Variants in ADAMTSL3 observed in about 807,000 individuals in gnomAD.
The protein encoded by ADAMTSL3 is ADAMTS like 3.
ADAMTSL3 carries 128 observed loss-of-function variants against 201.7 expected under a neutral mutation model. The observed-to-expected ratio is 0.63, with a 90% CI of 0.55 to 0.73. The LOEUF is 0.73. Among genes scored for constraint, ADAMTSL3 ranks in the 30% least tolerant of loss-of-function variants. The pLI, the probability that ADAMTSL3 is intolerant of heterozygous loss-of-function variation, is 0.00. For synonymous variants in ADAMTSL3, 738 were observed against 748.4 expected, an observed-to-expected ratio of 0.99 and a Z score of 0.23; for missense variants, 1,990 against 2,119.6, an observed-to-expected ratio of 0.94 and a Z score of 1.20.
At chr15:83,906,615 CCACACACCACA>C (rs1279205132) in intron 15 of ADAMTSL3, among the ~76,000 whole-genome samples, 2,591 of 142,432 alleles carry the variant, frequency 0.018, 74 homozygotes, top group South Asian at 0.052. Context: ...TTATATAGTG[CCACACACCACA>C]CACACACACA....
intron 3 of ADAMTSL3, among the ~76,000 whole-genome samples, chr15:83,765,257 T>C (rs913859658): frequency 2.0e-5 from 3 of 152,226 alleles, no homozygotes; most frequent in Non-Finnish European, 2.9e-5. Flanking sequence ...TTTCTTTTGT[T>C]AAAGACCTTA....
intron 23 of ADAMTSL3, among the ~76,000 whole-genome samples, chr15:84,004,415 AT>A (rs1191040318): frequency 6.6e-6 from 1 of 152,154 alleles, no homozygotes; most frequent in Admixed American, 6.5e-5. Context: ...GTCCCTGGAA[AT>A]TATCTCAAAT....
chr15:84,037,042 T>A (rs768390928), intron 29 of ADAMTSL3, 55 bp downstream of exon 29: 1 of 1,532,010 alleles, frequency 6.5e-7, no homozygotes, highest in East Asian at 2.3e-5. Context: ...TGGCATCAGA[T>A]CCTGATGCTA....
intron 21 of ADAMTSL3, among the ~76,000 whole-genome samples, chr15:83,987,153 T>G (rs376685025): frequency 9.2e-5 from 14 of 152,258 alleles, no homozygotes; most frequent in African/African-American, 3.1e-4. Context: ...GTTAGACTTT[T>G]GCTTTTAACC....
intron 21 of ADAMTSL3, among the ~76,000 whole-genome samples, chr15:83,987,267 T>A (rs748214773): frequency 6.6e-6 from 1 of 152,238 alleles, no homozygotes; most frequent in Non-Finnish European, 1.5e-5. Context: ...TGTTTTGACT[T>A]CTGCCAGCTT....
At chr15:83,692,906 A>G (rs1413189701) in intron 2 of ADAMTSL3, among the ~76,000 whole-genome samples, 1 of 152,064 alleles carries the variant, frequency 6.6e-6, no homozygotes, top group Non-Finnish European at 1.5e-5. Flanking sequence ...AGCCTGCATG[A>G]TTTCAGCCAC....
chr15:83,773,575 G>T lies in ADAMTSL3; in HGVS notation c.242G>T (p.Trp81Leu). The change falls in exon 4 of 30, where the codon TGG becomes TTG. Residue 81 changes from tryptophan (W) to leucine (L), a missense_variant. Trp to Leu is a moderately conservative substitution (Grantham distance 61). Coordinates refer to ENST00000286744, the MANE Select transcript of ADAMTSL3 (RefSeq NM_207517.3). Reference sequence around the variant, plus strand: ...GACAAAGATGGCAACTGGGATGCTTGGGGCGACTGGAGTGACTGCTCCCGG... The same window carrying T: ...GACAAAGATGGCAACTGGGATGCTTTGGGCGACTGGAGTGACTGCTCCCGG... ...DEDKDGNWDA[W>L]GDWSDCSRTC... is the part of the protein sequence containing the mutation. The T allele has an allele frequency of 6.2e-7, 1 of 1,613,842 alleles. No homozygotes were observed. Among genetic ancestry groups the T allele is most frequent in the South Asian group, 1.1e-5 (1 of 91,068 alleles).
chr15:83,677,249 C>T (rs561210192), intron 2 of ADAMTSL3, among the ~76,000 whole-genome samples: 1 of 151,976 alleles, frequency 6.6e-6, no homozygotes, highest in Non-Finnish European at 1.5e-5. Flanking sequence ...GTGTATTCTG[C>T]TGTTGTTGGG....
chr15:83,690,639 A>G (rs1315623210), intron 2 of ADAMTSL3, among the ~76,000 whole-genome samples: 1 of 152,116 alleles, frequency 6.6e-6, no homozygotes, highest in East Asian at 1.9e-4. Flanking sequence ...CTTGTCACAT[A>G]GCTTCAGAAT....
rs1388364818 is a variant in ADAMTSL3, at chr15:83,714,698, T to TTCCTTCCC, written c.189+10201_189+10208dup. Among the ~76,000 whole-genome samples, 6 of 131,120 alleles carry TTCCTTCCC rather than the reference T, an allele frequency of 4.6e-5. No individual in the cohort carries two copies. The East Asian group carries it at 1.5e-3, about 33-fold the overall frequency. 86.0% of individuals were successfully genotyped at this position (131,120 alleles called of 152,430 possible). A position where few individuals can be genotyped will look rare whatever the true frequency, so the allele number is the denominator to read the frequency against. ...CTCCCTCCCTCCCTTCCTCCCTTCCTTCCTTCCCTCCTTCCCTCTTTCTTT... is the reference window on the plus strand; with the variant it reads ...CTCCCTCCCTCCCTTCCTCCCTTCCTTCCTTCCCTCCTTCCCTCCTTCCCTCTTTCTTT... On this transcript the variant is annotated intron_variant, in intron 3 of 29. Transcript: ENST00000286744.
chr15:83,819,985 G>T lies in ADAMTSL3; in HGVS notation c.538G>T (p.Val180Leu), dbSNP rs368770955. The T allele has an allele frequency of 1.9e-6, 3 of 1,614,020 alleles. No homozygotes were observed. The highest frequency in any genetic ancestry group is 2.7e-5 in the African/African-American group (2 of 74,882). The change falls in exon 6 of 30, where the codon GTA becomes TTA. Residue 180 changes from valine to leucine, a missense_variant. Transcript: ENST00000286744. ...QNLVVELAPK[V>L]LDGTRCNTDS... ...CTTGGTGGTGGAGCTGGCACCTAAG[G>T]TACTGGATGGAACTCGTTGCAACAC...
At chr15:84,010,251 G>T (rs956472430) in intron 23 of ADAMTSL3, among the ~76,000 whole-genome samples, 3 of 152,176 alleles carry the variant, frequency 2.0e-5, no homozygotes, top group African/African-American at 7.2e-5. Context: ...TTGCACTTTT[G>T]CCCTCAAATA....
intron 19 of ADAMTSL3, among the ~76,000 whole-genome samples, chr15:83,954,897 A>G (rs1031921384): frequency 1.2e-4 from 19 of 152,142 alleles, no homozygotes; most frequent in African/African-American, 4.6e-4. Context: ...GATTGGGGTG[A>G]TGCAAGCACC....
intron 3 of ADAMTSL3, among the ~76,000 whole-genome samples, chr15:83,725,921 T>C (rs902770881): frequency 1.3e-5 from 2 of 152,162 alleles, no homozygotes; most frequent in Non-Finnish European, 2.9e-5. Flanking sequence ...TTTTTCTCTT[T>C]CTGTGAAGAA....
intron 6 of ADAMTSL3, among the ~76,000 whole-genome samples, chr15:83,828,471 G>A (rs370996525): frequency 3.3e-5 from 5 of 152,142 alleles, no homozygotes; most frequent in African/African-American, 4.8e-5. Context: ...GTCATCTGCA[G>A]ACAGGGACAA....
At chr15:83,738,052 C>T (rs1484757588) in intron 3 of ADAMTSL3, among the ~76,000 whole-genome samples, 1 of 152,182 alleles carries the variant, frequency 6.6e-6, no homozygotes, top group Admixed American at 6.5e-5. Flanking sequence ...TTACCCAAGA[C>T]TGTCTCCGAA....
At chr15:83,709,986 A>G (rs142572295) in intron 3 of ADAMTSL3, among the ~76,000 whole-genome samples, 59 of 152,164 alleles carry the variant, frequency 3.9e-4, no homozygotes, top group Middle Eastern at 3.4e-3. Context: ...TAATATTAAT[A>G]TAGGGTATTA....
intron 6 of ADAMTSL3, among the ~76,000 whole-genome samples, chr15:83,823,972 TCTCCTCCTCCTCCTCCTC>T (rs1186674867): frequency 4.2e-5 from 3 of 71,088 alleles, no homozygotes; most frequent in South Asian, 4.4e-4. Context: ...TTCTTCTTCT[TCTCCTCCTCCTCCTCCTC>T]CTTCTCCTTC....
chr15:83,746,018 G>T (rs1301424099), intron 3 of ADAMTSL3, among the ~76,000 whole-genome samples: 1 of 152,054 alleles, frequency 6.6e-6, no homozygotes, highest in African/African-American at 2.4e-5. Flanking sequence ...TAACAAATAG[G>T]CCTGGGACAG....
Sources: gnomAD v4.1 joint callset for allele counts (sites outside exome capture counted in the v4.1 genomes callset) on GRCh38, gnomAD v4.1.1 for gene constraint, MANE v1.5 for transcripts, NCBI Gene and HGNC (gene_info 2026-07-23, HGNC 2026-07-21) for gene names.